The following SNAPC1 variants were observed in gnomAD, a reference collection of about 807,000 sequenced individuals.
SNAPC1 encodes the protein snRNA-activating protein complex subunit 1.
Under a neutral mutation model 50.1 loss-of-function variants are expected in SNAPC1, and 42 were observed. That is an observed-to-expected ratio of 0.84 (90% confidence interval 0.65 to 1.08). The LOEUF (loss-of-function observed/expected upper bound fraction) is 1.08, where lower values mean the gene tolerates loss of function less well. Ranked by LOEUF, SNAPC1 falls within the 50% of genes least tolerant of loss-of-function variation. The probability of loss-of-function intolerance (pLI) is 0.00; values close to 1 mark genes in which losing one functional copy is unlikely to be tolerated. For missense variants in SNAPC1, 477 were observed against 427.3 expected, an observed-to-expected ratio of 1.12 and a Z score of -1.02; for synonymous variants, 164 against 144.2, an observed-to-expected ratio of 1.14 and a Z score of -0.98.
chr14:61,776,255 T>C lies in SNAPC1; in HGVS notation c.693+2T>C, dbSNP rs766038743. 2 of 1,609,546 alleles carry C rather than the reference T, an allele frequency of 1.2e-6. No individual in the cohort carries two copies. The highest frequency in any genetic ancestry group is 1.7e-6 in the Non-Finnish European group (2 of 1,177,646). On this transcript the variant is annotated splice_donor_variant, in intron 5 of 9. Transcript: ENST00000216294. LOFTEE classifies it high-confidence loss of function. ...CAGCAGTGGCACAAAGACAGAAAGGTATGCAATCACTTGTTTGGTGCCTCA... is the reference window on the plus strand; with the variant it reads ...CAGCAGTGGCACAAAGACAGAAAGGCATGCAATCACTTGTTTGGTGCCTCA...
Position 61,782,410 on chromosome 14 carries a change from A to C in SNAPC1, c.976+13A>C. The stretch of plus-strand genomic sequence containing the variant: ...CTCAGAAACAAAGGTAACTTTTTAA[A>C]GTCTTACTAAGATTCAACAAAGGAG... On this transcript the variant is annotated intron_variant, in intron 8 of 9. Transcript: ENST00000216294. 6.3e-7 allele frequency: 1 copy of C among 1,594,784 alleles called. No homozygotes were observed. The highest frequency in any genetic ancestry group is 8.5e-7 in the Non-Finnish European group (1 of 1,171,678).
At chr14:61,781,636 C>T (rs1487937453) in intron 7 of SNAPC1, among the ~76,000 whole-genome samples, 1 of 152,174 alleles carries the variant, frequency 6.6e-6, no homozygotes, top group Non-Finnish European at 1.5e-5. Context: ...TTAAGACTGG[C>T]CCTCCATTTT....
intron 8 of SNAPC1, among the ~76,000 whole-genome samples, chr14:61,783,773 C>CTG (rs2045095683): frequency 6.6e-6 from 1 of 151,860 alleles, no homozygotes; most frequent in African/African-American, 2.4e-5. Context: ...CTCCTGACTT[C>CTG]GTGATTCGCC....
chr14:61,768,325 TG>T (rs749457285), intron 3 of SNAPC1, among the ~76,000 whole-genome samples: 7 of 146,810 alleles, frequency 4.8e-5, no homozygotes, highest in South Asian at 2.4e-4. Flanking sequence ...TAATAGCATT[TG>T]TTTTTTTTTA....
Position 61,774,678 on chromosome 14 carries a change from T to TTTG in SNAPC1, c.535-1417_535-1416insTTG, listed in dbSNP as rs750612622. ...TTTTTTTTTTTTTTTTTTTTTTTTT[T>TTTG]GAGAGGCAGAGTTTCACTCTTGTTG... On this transcript the variant is annotated intron_variant, in intron 4 of 9. Transcript: ENST00000216294. Among the ~76,000 whole-genome samples the TTTG allele has an allele frequency of 1.9e-3, 243 of 129,272 alleles. 5 individuals are homozygous for TTTG. Among genetic ancestry groups the TTTG allele is most frequent in the African/African-American group, 6.8e-3 (222 of 32,578 alleles). The allele number at this position is 129,272 out of a possible 152,430, so 84.8% of individuals were successfully genotyped here. A position where few individuals can be genotyped will look rare whatever the true frequency, so the allele number is the denominator to read the frequency against.
intron 1 of SNAPC1, 62 bp downstream of exon 1, chr14:61,762,650 C>G (rs1490134177): frequency 3.6e-5 from 58 of 1,596,098 alleles, no homozygotes; most frequent in Admixed American, 1.5e-4. Flanking sequence ...AAAGTTGCCT[C>G]CTTCCCGGCG....
At chr14:61,770,728 A>G (rs1351885629) in intron 4 of SNAPC1, among the ~76,000 whole-genome samples, 2 of 151,984 alleles carry the variant, frequency 1.3e-5, no homozygotes, top group Non-Finnish European at 2.9e-5. Flanking sequence ...AATTGATGTC[A>G]TACATATGGA....
chr14:61,772,128 GCTTCATC>G (rs2044995732), intron 4 of SNAPC1, among the ~76,000 whole-genome samples: 1 of 152,064 alleles, frequency 6.6e-6, no homozygotes, highest in African/African-American at 2.4e-5. Flanking sequence ...ACAGGATCTT[GCTTCATC>G]ACCGTGGCTG....
At chr14:61,780,218 A>T (rs996185131) in intron 7 of SNAPC1, among the ~76,000 whole-genome samples, 9 of 152,130 alleles carry the variant, frequency 5.9e-5, no homozygotes, top group African/African-American at 1.9e-4. Flanking sequence ...TACAGAGAGA[A>T]TCAGCCACGA....
intron 4 of SNAPC1, among the ~76,000 whole-genome samples, chr14:61,773,704 T>A (rs1382771022): frequency 3.3e-5 from 5 of 149,286 alleles, no homozygotes; most frequent in Non-Finnish European, 5.9e-5. Context: ...CCTTTTTTTT[T>A]TTTTTATTTT....
chr14:61,768,770 T>G lies in SNAPC1; in HGVS notation c.534+30T>G. On this transcript the variant is annotated intron_variant, in intron 4 of 9. Coordinates refer to ENST00000216294, the MANE Select transcript of SNAPC1 (RefSeq NM_003082.4). ...ATTTTCTTTTATGCTCTTGAAAATT[T>G]TTAAAAATTGTTTTATTGCCAACTA... is the stretch of plus-strand genomic sequence containing the variant. 3 of 1,285,898 alleles carry G rather than the reference T, an allele frequency of 2.3e-6. No homozygotes were observed. The South Asian group carries it at 3.7e-5, about 16-fold the overall frequency. 79.7% of individuals were successfully genotyped at this position (1,285,898 alleles called of 1,614,324 possible).
rs142757093 is a variant in SNAPC1 at position 61,790,122 on chromosome 14, G to A, written c.977-2685G>A. Among the ~76,000 whole-genome samples the A allele has an allele frequency of 2.1e-3, 319 of 152,274 alleles. 1 individual carries two copies. Among genetic ancestry groups the A allele is most frequent in the African/African-American group, 7.4e-3 (307 of 41,558 alleles). The stretch of plus-strand genomic sequence containing the variant: ...CAATGACACAATAAAGATTTCATTG[G>A]GGGGAGAATTCGCTCCAGTCCGCCT... On this transcript the variant is annotated intron_variant, in intron 8 of 9. Coordinates refer to ENST00000216294, the MANE Select transcript of SNAPC1 (RefSeq NM_003082.4).
At chr14:61,782,752 A>C (rs972379458) in intron 8 of SNAPC1, among the ~76,000 whole-genome samples, 5 of 152,034 alleles carry the variant, frequency 3.3e-5, no homozygotes, top group Admixed American at 3.3e-4. Context: ...TCTACTAAAA[A>C]TATAAAAGTC....
At chr14:61,773,695 CT>C (rs58541226) in intron 4 of SNAPC1, among the ~76,000 whole-genome samples, 44,863 of 136,190 alleles carry the variant, frequency 0.33, 6,778 homozygotes, top group South Asian at 0.44. Flanking sequence ...CATGCCTGGC[CT>C]TTTTTTTTTT....
Position 61,766,941 on chromosome 14 carries a change from A to AT in SNAPC1, c.200dup (p.Leu67PhefsTer21), listed in dbSNP as rs753183177. The AT allele has an allele frequency of 5.6e-6, 9 of 1,611,126 alleles. No individual in the cohort carries two copies. In the African/African-American group the frequency reaches 8.0e-5, roughly 14 times the overall value. ...GAAGCTTTAGCTTTGGCTTGGCGAT[A>AT]TTTTTTACCTCCATACACCTTCCAG... is the stretch of plus-strand genomic sequence containing the variant. On this transcript the variant is annotated frameshift_variant, in exon 2 of 10. Coordinates refer to ENST00000216294, the MANE Select transcript of SNAPC1 (RefSeq NM_003082.4). LOFTEE classifies it high-confidence loss of function.
In SNAPC1 at chr14:61,792,840, C is replaced by T. The variant is rs764227564; in HGVS notation, c.1010C>T (p.Pro337Leu). ...NVQNIHKEDK[P>L]LSLSMPVITE... ...CAGAATATACACAAGGAAGATAAAC[C>T]TTTAAGTCTGAGTATGCCTGTAATT... The change falls in exon 9 of 10, where the codon CCT becomes CTT. Residue 337 changes from proline (P) to leucine (L), a missense_variant. Transcript: ENST00000216294. The T allele has an allele frequency of 9.5e-5, 152 of 1,597,466 alleles. No homozygotes were observed. The highest frequency in any genetic ancestry group is 1.5e-4 in the Admixed American group (9 of 58,620).
intron 8 of SNAPC1, among the ~76,000 whole-genome samples, chr14:61,784,199 C>T (rs2045098564): frequency 6.6e-6 from 1 of 152,164 alleles, no homozygotes; most frequent in South Asian, 2.1e-4. Context: ...GATTTTTCTA[C>T]TTCCTTTCAC....
rs1172798543 is a variant in SNAPC1 at position 61,774,648 on chromosome 14, A to ATTTCTTTT, written c.535-1444_535-1443insCTTTTTTT. Reference sequence around the variant, plus strand: ...ACTCACCACTATTGATCAGTTTCTCATTTTTTTTTTTTTTTTTTTTTTTTT... The same window carrying ATTTCTTTT: ...ACTCACCACTATTGATCAGTTTCTCATTTCTTTTTTTTTTTTTTTTTTTTTTTTTTTTT... On this transcript the variant is annotated intron_variant, in intron 4 of 9. Coordinates refer to ENST00000216294, the MANE Select transcript of SNAPC1 (RefSeq NM_003082.4). 2.4e-3 allele frequency among the ~76,000 whole-genome samples: 217 copies of ATTTCTTTT among 90,926 alleles called. 16 individuals carry two copies. The highest frequency in any genetic ancestry group is 3.8e-3 in the African/African-American group (93 of 24,236). The allele number at this position is 90,926 out of a possible 152,430, so 59.7% of individuals were successfully genotyped here. A position where few individuals can be genotyped will look rare whatever the true frequency, so the allele number is the denominator to read the frequency against.
chr14:61,770,092 G>T (rs1009941851), intron 4 of SNAPC1, among the ~76,000 whole-genome samples: 4 of 152,016 alleles, frequency 2.6e-5, no homozygotes, highest in Non-Finnish European at 4.4e-5. Flanking sequence ...GCTGAGTGTG[G>T]TATATTACAC....
Sources: allele counts gnomAD v4.1 joint callset (sites outside exome capture counted in the v4.1 genomes callset), GRCh38; gene constraint gnomAD v4.1.1; transcripts MANE v1.5; gene names NCBI Gene and HGNC (gene_info 2026-07-23, HGNC 2026-07-21).